The following FBXL7 variants were observed in gnomAD, a reference collection of about 807,000 sequenced individuals.
FBXL7 encodes the protein F-box/LRR-repeat protein 7.
Under a neutral mutation model 38.3 loss-of-function variants are expected in FBXL7, and 12 were observed. The observed-to-expected ratio is 0.31, with a 90% CI of 0.20 to 0.51. The LOEUF (loss-of-function observed/expected upper bound fraction) is 0.51, where lower values mean the gene tolerates loss of function less well. Among genes scored for constraint, FBXL7 ranks in the 20% least tolerant of loss-of-function variants. The pLI is 0.98. For missense variants in FBXL7, 567 were observed against 676.4 expected, an observed-to-expected ratio of 0.84 and a Z score of 1.79; for synonymous variants, 297 against 300.9, an observed-to-expected ratio of 0.99 and a Z score of 0.13.
intron 2 of FBXL7, among the ~76,000 whole-genome samples, chr5:15,633,759 ATT>A (rs1384425994): frequency 6.9e-6 from 1 of 145,852 alleles, no homozygotes; most frequent in East Asian, 2.0e-4. Context: ...TATTATTATT[ATT>A]ATTATTATTA....
chr5:15,524,362 G>A (rs573464496), intron 1 of FBXL7, among the ~76,000 whole-genome samples: 2 of 151,934 alleles, frequency 1.3e-5, no homozygotes, highest in South Asian at 2.1e-4. Context: ...AACTTCTTGG[G>A]GGGGCTGAAG....
chr5:15,762,570 A>G (rs1037010818), intron 2 of FBXL7, among the ~76,000 whole-genome samples: 2 of 152,176 alleles, frequency 1.3e-5, no homozygotes, highest in Admixed American at 6.6e-5. Context: ...CCTCGGGTGT[A>G]TTATTTAACC....
chr5:15,708,365 T>C (rs1056253283), intron 2 of FBXL7, among the ~76,000 whole-genome samples: 2 of 152,222 alleles, frequency 1.3e-5, no homozygotes, highest in Non-Finnish European at 2.9e-5. Flanking sequence ...GCTTTCTGCC[T>C]ATATGTCTTA....
intron 2 of FBXL7, among the ~76,000 whole-genome samples, chr5:15,924,632 C>CTTTT (rs34865383): frequency 8.3e-5 from 10 of 120,036 alleles, no homozygotes; most frequent in East Asian, 2.4e-4. Flanking sequence ...TCTCATTATT[C>CTTTT]TTTTTTTTTT....
intron 2 of FBXL7, among the ~76,000 whole-genome samples, chr5:15,901,287 A>T (rs1741226912): frequency 6.6e-6 from 1 of 152,178 alleles, no homozygotes; most frequent in African/African-American, 2.4e-5. Flanking sequence ...TGATTCATGG[A>T]TGACTGTCTT....
At chr5:15,934,896 A>G (rs1742136519) in intron 3 of FBXL7, among the ~76,000 whole-genome samples, 1 of 152,228 alleles carries the variant, frequency 6.6e-6, no homozygotes, top group South Asian at 2.1e-4. Context: ...CAGAGTGAGG[A>G]GACAGCAAAT....
chr5:15,777,994 T>C (rs774004933), intron 2 of FBXL7, among the ~76,000 whole-genome samples: 1 of 152,004 alleles, frequency 6.6e-6, no homozygotes, highest in Admixed American at 6.6e-5. Flanking sequence ...TCCCAAAATA[T>C]GTATTTTGGA....
rs559988446 is a variant in FBXL7 at position 15,905,841 on chromosome 5, A to T, written c.128-22049A>T. On this transcript the variant is annotated intron_variant, in intron 2 of 3. Transcript: ENST00000504595. ...GGATAGGTCATAATTAATACACTCA[A>T]TCTACCCTTGTGCCTCCTCTTCGAC... Among the ~76,000 whole-genome samples the T allele has an allele frequency of 1.1e-4, 17 of 152,216 alleles. No individual in the cohort carries two copies. The South Asian group carries it at 3.3e-3, about 30-fold the overall frequency.
At chr5:15,641,023 C>G (rs1195955958) in intron 2 of FBXL7, among the ~76,000 whole-genome samples, 1 of 152,170 alleles carries the variant, frequency 6.6e-6, no homozygotes, top group Non-Finnish European at 1.5e-5. Context: ...GTGAATAGTC[C>G]CACGCTGGGA....
At chr5:15,731,615 G>A (rs1218699799) in intron 2 of FBXL7, among the ~76,000 whole-genome samples, 1 of 152,206 alleles carries the variant, frequency 6.6e-6, no homozygotes, top group Non-Finnish European at 1.5e-5. Flanking sequence ...TGTGCAGAGG[G>A]CAGAGGACAC....
At chr5:15,685,764 T>A (rs1048323473) in intron 2 of FBXL7, among the ~76,000 whole-genome samples, 6 of 152,218 alleles carry the variant, frequency 3.9e-5, no homozygotes, top group South Asian at 2.1e-4. Flanking sequence ...GTGTTGTCAG[T>A]TACCAGGATT....
At chr5:15,807,791 C>G (rs1346665173) in intron 2 of FBXL7, among the ~76,000 whole-genome samples, 1 of 152,012 alleles carries the variant, frequency 6.6e-6, no homozygotes, top group African/African-American at 2.4e-5. Flanking sequence ...GCAAATTACA[C>G]AGATTTCTAG....
intron 1 of FBXL7, among the ~76,000 whole-genome samples, chr5:15,602,731 C>T (rs1458823480): frequency 6.6e-6 from 1 of 151,930 alleles, no homozygotes; most frequent in African/African-American, 2.4e-5. Flanking sequence ...TTTACCCTCC[C>T]CCCAAAAAGA....
chr5:15,643,099 A>G (rs978650050), intron 2 of FBXL7, among the ~76,000 whole-genome samples: 5 of 152,194 alleles, frequency 3.3e-5, no homozygotes, highest in South Asian at 2.1e-4. Flanking sequence ...GTTTTCACGT[A>G]ATGATTTTTT....
At chr5:15,653,713 G>A (rs559679048) in intron 2 of FBXL7, among the ~76,000 whole-genome samples, 2 of 152,332 alleles carry the variant, frequency 1.3e-5, no homozygotes, top group South Asian at 4.1e-4. Context: ...ATGATAAAAT[G>A]TGAAACCAAG....
At chr5:15,550,433 G>C (rs1738031892) in intron 1 of FBXL7, among the ~76,000 whole-genome samples, 1 of 152,118 alleles carries the variant, frequency 6.6e-6, no homozygotes, top group South Asian at 2.1e-4. Flanking sequence ...AATAAAAATA[G>C]GCCAAAGGAT....
chr5:15,668,730 T>C (rs1742364957), intron 2 of FBXL7, among the ~76,000 whole-genome samples: 1 of 152,176 alleles, frequency 6.6e-6, no homozygotes, highest in Admixed American at 6.5e-5. Context: ...AAAGTAAAAC[T>C]CATCAAGTTT....
At chr5:15,870,235 G>A (rs372145330) in intron 2 of FBXL7, among the ~76,000 whole-genome samples, 4 of 152,222 alleles carry the variant, frequency 2.6e-5, no homozygotes, top group East Asian at 3.9e-4. Flanking sequence ...GGTGAGCCAG[G>A]GTTGAGTTTA....
intron 2 of FBXL7, among the ~76,000 whole-genome samples, chr5:15,666,335 A>G (rs1044622738): frequency 6.6e-6 from 1 of 152,232 alleles, no homozygotes; most frequent in Non-Finnish European, 1.5e-5. Flanking sequence ...ATTCAGTGGT[A>G]GTAAATACAG....
Sources: gnomAD v4.1 joint callset for allele counts (sites outside exome capture counted in the v4.1 genomes callset) on GRCh38, gnomAD v4.1.1 for gene constraint, MANE v1.5 for transcripts, NCBI Gene and HGNC (gene_info 2026-07-23, HGNC 2026-07-21) for gene names.